Variants in DCDC1 observed in about 807,000 individuals in gnomAD.
DCDC1 encodes the protein doublecortin domain containing 1.
Under a neutral mutation model 178.3 loss-of-function variants are expected in DCDC1, and 200 were observed. The ratio of observed to expected loss-of-function variants is 1.12; its 90% confidence interval spans 1.00 to 1.26. The LOEUF (loss-of-function observed/expected upper bound fraction) is 1.26, where lower values mean the gene tolerates loss of function less well. Ranked by LOEUF, DCDC1 falls within the 50% of genes most tolerant of loss-of-function variation. The pLI, the probability that DCDC1 is intolerant of heterozygous loss-of-function variation, is 0.00. For synonymous variants in DCDC1, 690 were observed against 604.8 expected (o/e 1.14, Z -2.07); for missense variants, 1,983 against 1,749.2 (o/e 1.13, Z -2.38).
chr11:31,337,261 A>G (rs1420498060), intron 1 of DCDC1, among the ~76,000 whole-genome samples: 2 of 152,230 alleles, frequency 1.3e-5, no homozygotes, highest in Non-Finnish European at 2.9e-5. Context: ...GCAGGGTTGA[A>G]GAATTCAACT....
At chr11:31,272,774 G>A (rs1213152816) in intron 7 of DCDC1, among the ~76,000 whole-genome samples, 4 of 152,210 alleles carry the variant, frequency 2.6e-5, no homozygotes, top group African/African-American at 9.6e-5. Context: ...CACAGCCGCT[G>A]CTTTCATGGG....
chr11:31,261,858 T>C (rs1944809400), intron 8 of DCDC1, among the ~76,000 whole-genome samples: 1 of 152,144 alleles, frequency 6.6e-6, no homozygotes, highest in Non-Finnish European at 1.5e-5. Context: ...AAAATAACTT[T>C]TTCATACGTA....
At chr11:30,898,257 T>C (rs1207442853) in intron 34 of DCDC1, among the ~76,000 whole-genome samples, 3 of 152,196 alleles carry the variant, frequency 2.0e-5, no homozygotes, top group African/African-American at 7.2e-5. Flanking sequence ...CATTTTTGTA[T>C]GATAACTTCA....
intron 7 of DCDC1, among the ~76,000 whole-genome samples, chr11:31,270,697 C>A (rs990013743): frequency 6.6e-6 from 1 of 152,144 alleles, no homozygotes; most frequent in African/African-American, 2.4e-5. Context: ...AGTGGTGTTA[C>A]AATGCTATTT....
chr11:31,368,065 T>C (rs577054637), intron 1 of DCDC1, among the ~76,000 whole-genome samples: 1 of 152,264 alleles, frequency 6.6e-6, no homozygotes, highest in South Asian at 2.1e-4. Context: ...CATTTTCAAT[T>C]AACCGTGGAA....
chr11:31,207,635 T>C (rs189085168), intron 9 of DCDC1, among the ~76,000 whole-genome samples: 1 of 152,234 alleles, frequency 6.6e-6, no homozygotes, highest in African/African-American at 2.4e-5. Context: ...CTTTATCTGA[T>C]TATTCATATT....
chr11:31,321,545 C>T (rs991370723), intron 3 of DCDC1, among the ~76,000 whole-genome samples: 1 of 152,150 alleles, frequency 6.6e-6, no homozygotes, highest in African/African-American at 2.4e-5. Flanking sequence ...CTGGCCTGCG[C>T]CCACTGTCTT....
At position 31,165,664 on chromosome 11, in the gene DCDC1, C is replaced by T. The variant is rs143507754; in HGVS notation, c.1222-27880G>A. Reference sequence around the variant, plus strand: ...AGAACTTTTTGTACATGTCCTTGATCATTTTCTATTAGATTATTAGTAATT... The same window carrying T: ...AGAACTTTTTGTACATGTCCTTGATTATTTTCTATTAGATTATTAGTAATT... On this transcript the variant is annotated intron_variant, in intron 9 of 38. Coordinates refer to ENST00000684477, the MANE Select transcript of DCDC1 (RefSeq NM_001387274.1). Among the ~76,000 whole-genome samples the T allele has an allele frequency of 3.5e-3, 527 of 152,218 alleles. 1 individual carries two copies. Among genetic ancestry groups the T allele is most frequent in the Non-Finnish European group, 6.5e-3 (441 of 68,018 alleles).
chr11:31,113,042 G>T (rs867896235), intron 11 of DCDC1, among the ~76,000 whole-genome samples: 86 of 152,258 alleles, frequency 5.6e-4, no homozygotes, highest in African/African-American at 2.0e-3. Context: ...GATCTTGTGA[G>T]ACCTGAAGTT....
intron 9 of DCDC1, among the ~76,000 whole-genome samples, chr11:31,189,151 C>T (rs963152292): frequency 2.6e-5 from 4 of 151,996 alleles, no homozygotes; most frequent in South Asian, 2.1e-4. Context: ...TTTGTTATAG[C>T]GGCGCAAATG....
At chr11:31,159,731 ATGAAT>A (rs1415118131) in intron 9 of DCDC1, among the ~76,000 whole-genome samples, 2 of 152,230 alleles carry the variant, frequency 1.3e-5, no homozygotes, top group Non-Finnish European at 2.9e-5. Context: ...AACTTGACAA[ATGAAT>A]TGTGAGGGAT....
intron 20 of DCDC1, among the ~76,000 whole-genome samples, chr11:30,980,731 G>A (rs556001450): frequency 2.1e-4 from 32 of 152,262 alleles, no homozygotes; most frequent in Non-Finnish European, 3.2e-4. Context: ...ATATGCCAGT[G>A]AAAGAGAAAT....
At chr11:31,072,794 CA>C (rs1216889608) in intron 18 of DCDC1, among the ~76,000 whole-genome samples, 1 of 151,978 alleles carries the variant, frequency 6.6e-6, no homozygotes, top group Admixed American at 6.6e-5. Context: ...TTATTAGCTA[CA>C]AATTATCAAT....
At chr11:31,154,481 A>T (rs1965520267) in intron 9 of DCDC1, among the ~76,000 whole-genome samples, 1 of 152,268 alleles carries the variant, frequency 6.6e-6, no homozygotes, top group South Asian at 2.1e-4. Context: ...TCACAGTGGT[A>T]AGTGGTGTCT....
At chr11:31,073,002 G>C (rs947335949) in intron 18 of DCDC1, among the ~76,000 whole-genome samples, 6 of 152,128 alleles carry the variant, frequency 3.9e-5, no homozygotes, top group Admixed American at 1.3e-4. Context: ...TAAATAACAT[G>C]AGCTCCATTT....
At chr11:31,351,334 C>T (rs950758032) in intron 1 of DCDC1, among the ~76,000 whole-genome samples, 40 of 152,124 alleles carry the variant, frequency 2.6e-4, no homozygotes, top group African/African-American at 7.2e-4. Context: ...TTTTAGACAA[C>T]ATAAATACTA....
intron 20 of DCDC1, among the ~76,000 whole-genome samples, chr11:30,996,727 C>G (rs978527407): frequency 1.3e-5 from 2 of 152,160 alleles, no homozygotes; most frequent in African/African-American, 4.8e-5. Context: ...TTCCCTGCCT[C>G]TGAAGCTGTG....
intron 17 of DCDC1, among the ~76,000 whole-genome samples, chr11:31,084,229 C>T (rs1040692747): frequency 2.6e-5 from 4 of 152,096 alleles, no homozygotes; most frequent in African/African-American, 9.7e-5. Flanking sequence ...ACTTTAAGTA[C>T]TAGTTCTATT....
chr11:31,233,557 C>T (rs1976086109), intron 9 of DCDC1, among the ~76,000 whole-genome samples: 1 of 152,092 alleles, frequency 6.6e-6, no homozygotes, highest in Non-Finnish European at 1.5e-5. Flanking sequence ...GAATTGTAGT[C>T]CCCAAAGATG....
Sources: gnomAD v4.1 joint callset for allele counts (sites outside exome capture counted in the v4.1 genomes callset) on GRCh38, gnomAD v4.1.1 for gene constraint, MANE v1.5 for transcripts, NCBI Gene and HGNC (gene_info 2026-07-23, HGNC 2026-07-21) for gene names.